Variants in CNTNAP5 observed in about 807,000 individuals in gnomAD.
CNTNAP5 encodes the protein contactin-associated protein-like 5.
In CNTNAP5, 72 loss-of-function variants were observed where a neutral mutation model predicts 150.2. That is an observed-to-expected ratio of 0.48 (90% CI 0.40 to 0.58). The LOEUF (loss-of-function observed/expected upper bound fraction) is 0.58, where lower values mean the gene tolerates loss of function less well. Ranked by LOEUF, CNTNAP5 falls within the 20% of genes least tolerant of loss-of-function variation. CNTNAP5 has a pLI of 0.00. For missense variants in CNTNAP5, 1,636 were observed against 1,626.2 expected (o/e 1.01, Z -0.10); for synonymous variants, 672 against 619.8 (o/e 1.08, Z -1.25).
intron 1 of CNTNAP5, among the ~76,000 whole-genome samples, chr2:124,190,407 A>T (rs72838237): frequency 4.4e-4 from 67 of 152,262 alleles, no homozygotes; most frequent in Non-Finnish European, 3.7e-4. Context: ...TTCCACTTAC[A>T]CACTTTTTCC....
intron 14 of CNTNAP5, among the ~76,000 whole-genome samples, chr2:124,751,055 T>A (rs1680716586): frequency 6.8e-6 from 1 of 146,836 alleles, no homozygotes; most frequent in Non-Finnish European, 1.5e-5. Context: ...TAGAAATACA[T>A]GGGTTTAAAA....
Position 124,712,703 on chromosome 2 carries a change from G to T in CNTNAP5, c.2078-34526G>T, listed in dbSNP as rs981701814. Among the ~76,000 whole-genome samples, 3 of 152,146 alleles carry T rather than the reference G, an allele frequency of 2.0e-5. No individual in the cohort carries two copies. In the South Asian group the frequency reaches 6.2e-4, roughly 32 times the overall value. On this transcript the variant is annotated intron_variant, in intron 13 of 23. Coordinates refer to ENST00000682447, the MANE Select transcript of CNTNAP5 (RefSeq NM_001367498.1). Reference sequence around the variant, plus strand: ...TCTGGTTCACTAACAGTGCCTTCTTGCTGTGTCCTCACATGGTGGAAGAGG... The same window carrying T: ...TCTGGTTCACTAACAGTGCCTTCTTTCTGTGTCCTCACATGGTGGAAGAGG...
chr2:124,360,918 C>G (rs933126367), intron 3 of CNTNAP5, among the ~76,000 whole-genome samples: 4 of 145,698 alleles, frequency 2.7e-5, no homozygotes, highest in Admixed American at 6.9e-5. Flanking sequence ...CAACTTGGTT[C>G]CCTTCTCCCC....
chr2:124,692,118 T>A (rs955604755), intron 13 of CNTNAP5, among the ~76,000 whole-genome samples: 1 of 152,100 alleles, frequency 6.6e-6, no homozygotes, highest in Non-Finnish European at 1.5e-5. Flanking sequence ...ACTACCCTAG[T>A]TGAGGTGCCA....
At chr2:124,859,372 C>T (rs1211371261) in intron 19 of CNTNAP5, among the ~76,000 whole-genome samples, 1 of 152,166 alleles carries the variant, frequency 6.6e-6, no homozygotes, top group Non-Finnish European at 1.5e-5. Context: ...CCATCTCATA[C>T]CAGTTAGAAT....
chr2:124,706,410 C>A (rs923607184), intron 13 of CNTNAP5, among the ~76,000 whole-genome samples: 1 of 152,002 alleles, frequency 6.6e-6, no homozygotes, highest in Non-Finnish European at 1.5e-5. Context: ...CAAAACATTT[C>A]TTATTAGTTC....
At chr2:124,641,151 CA>C (rs1336002439) in intron 12 of CNTNAP5, among the ~76,000 whole-genome samples, 2 of 126,582 alleles carry the variant, frequency 1.6e-5, no homozygotes, top group Admixed American at 7.9e-5. Flanking sequence ...AAAAAAAAGA[CA>C]AAAAAAAGGA....
At chr2:124,307,671 G>A (rs943848909) in intron 3 of CNTNAP5, among the ~76,000 whole-genome samples, 1 of 152,178 alleles carries the variant, frequency 6.6e-6, no homozygotes, top group Non-Finnish European at 1.5e-5. Context: ...TGCTTTGGGG[G>A]CTGAAATGCA....
chr2:124,624,326 T>C (rs1677676140), intron 12 of CNTNAP5, among the ~76,000 whole-genome samples: 1 of 152,216 alleles, frequency 6.6e-6, no homozygotes, highest in African/African-American at 2.4e-5. Flanking sequence ...ACATGGATGG[T>C]AGCAGGAGGC....
At chr2:124,884,180 A>T (rs775698563) in intron 21 of CNTNAP5, among the ~76,000 whole-genome samples, 86 of 152,114 alleles carry the variant, frequency 5.7e-4, no homozygotes, top group Non-Finnish European at 1.0e-3. Context: ...GTATGCATGC[A>T]CATGTGTAGT....
At chr2:124,858,602 T>C (rs187465966) in intron 19 of CNTNAP5, among the ~76,000 whole-genome samples, 2 of 152,234 alleles carry the variant, frequency 1.3e-5, no homozygotes, top group East Asian at 3.9e-4. Flanking sequence ...AGAATCAATA[T>C]CGTGAAAATC....
At chr2:124,357,509 T>G (rs1371056304) in intron 3 of CNTNAP5, among the ~76,000 whole-genome samples, 4 of 152,086 alleles carry the variant, frequency 2.6e-5, no homozygotes, top group African/African-American at 9.7e-5. Flanking sequence ...GGATCCAGTT[T>G]CAGCTTTCTA....
intron 19 of CNTNAP5, among the ~76,000 whole-genome samples, chr2:124,836,165 G>A (rs1284298005): frequency 2.0e-5 from 3 of 151,748 alleles, no homozygotes; most frequent in African/African-American, 4.8e-5. Context: ...GATAGTTTTA[G>A]GAAAAAAAAT....
chr2:124,288,564 A>C (rs1400215517), intron 3 of CNTNAP5, among the ~76,000 whole-genome samples: 1 of 152,166 alleles, frequency 6.6e-6, no homozygotes. Flanking sequence ...AATTCTGATA[A>C]ATACTTTTAT....
At chr2:124,256,696 G>C (rs1238715115) in intron 3 of CNTNAP5, among the ~76,000 whole-genome samples, 2 of 152,248 alleles carry the variant, frequency 1.3e-5, no homozygotes, top group East Asian at 3.9e-4. Context: ...GATATACTTA[G>C]TTTTACTAAG....
At chr2:124,072,068 T>G (rs533376638) in intron 1 of CNTNAP5, among the ~76,000 whole-genome samples, 1 of 152,040 alleles carries the variant, frequency 6.6e-6, no homozygotes, top group African/African-American at 2.4e-5. Context: ...GATGCAAGCA[T>G]GGTTCAACAT....
rs1678839916 is a variant in CNTNAP5 at position 124,919,879 on chromosome 2, TGCC to T, written c.*5592_*5594del. On this transcript the variant is annotated 3_prime_UTR_variant, in exon 24 of 24. Transcript: ENST00000682447. ...TCAGGAAATGAAACTGTCAGAAAAC[TGCC>T]CTAGGTCTATTATCAATCAGAGCCC... Among the ~76,000 whole-genome samples the T allele has an allele frequency of 6.6e-6, 1 of 152,008 alleles. No homozygotes were observed. The highest frequency in any genetic ancestry group is 1.9e-4 in the East Asian group (1 of 5,138).
chr2:124,496,160 A>C (rs1002739858), intron 7 of CNTNAP5, among the ~76,000 whole-genome samples: 3 of 152,114 alleles, frequency 2.0e-5, no homozygotes, highest in Non-Finnish European at 4.4e-5. Context: ...TAAGTCAATA[A>C]AAAAATGAAG....
chr2:124,618,592 A>G (rs961851422), intron 12 of CNTNAP5, among the ~76,000 whole-genome samples: 3 of 152,040 alleles, frequency 2.0e-5, no homozygotes, highest in East Asian at 1.9e-4. Context: ...GCTCCTTTCT[A>G]TGCTCCCCTC....
Sources: gnomAD v4.1 joint callset for allele counts (sites outside exome capture counted in the v4.1 genomes callset) on GRCh38, gnomAD v4.1.1 for gene constraint, MANE v1.5 for transcripts, NCBI Gene and HGNC (gene_info 2026-07-23, HGNC 2026-07-21) for gene names.